AK7: variants seen among roughly 807,000 people sequenced by gnomAD.
AK7 encodes ATP-AMP transphosphorylase 7.
AK7 carries 78 observed loss-of-function variants against 96.6 expected under a neutral mutation model. The ratio of observed to expected loss-of-function variants is 0.81; its 90% CI spans 0.67 to 0.97. The LOEUF (loss-of-function observed/expected upper bound fraction) is 0.97, where lower values mean the gene tolerates loss of function less well. AK7 is among the 50% of genes least tolerant of loss of function. The pLI, the probability that AK7 is intolerant of heterozygous loss-of-function variation, is 0.00. For missense variants in AK7, 855 were observed against 887.9 expected (o/e 0.96, Z 0.47); for synonymous variants, 302 against 317.2 (o/e 0.95, Z 0.51).
intron 10 of AK7, among the ~76,000 whole-genome samples, chr14:96,452,638 T>C (rs1893672535): frequency 6.6e-6 from 1 of 151,950 alleles, no homozygotes; most frequent in South Asian, 2.1e-4. Context: ...ATCAACTTTT[T>C]CTTTTTCTTT....
intron 5 of AK7, among the ~76,000 whole-genome samples, chr14:96,426,262 C>A (rs1892022560): frequency 6.6e-6 from 1 of 152,118 alleles, no homozygotes; most frequent in East Asian, 1.9e-4. Flanking sequence ...AACAATCTAA[C>A]CCTCTTGGCA....
rs1443849404 is a variant in AK7, at chr14:96,398,120, G to A, written c.151G>A (p.Glu51Lys). The change falls in exon 2 of 18, where the codon GAG becomes AAG. Residue 51 changes from glutamate to lysine, a missense_variant. Physicochemically the swap from Glu to Lys is moderately conservative, Grantham distance 56. Transcript: ENST00000267584. ...VVGASLEEIT[E>K]EEEEEDENKS... ...TGGGGCTTCGCTTGAAGAAATTACA[G>A]AGGAAGAGGAAGAGGAAGATGAAAA... is the stretch of plus-strand genomic sequence containing the variant. 1.2e-6 allele frequency: 2 copies of A among 1,612,302 alleles called. No individual in the cohort carries two copies. The highest frequency in any genetic ancestry group is 1.7e-5 in the Admixed American group (1 of 59,964).
At chr14:96,424,100 C>T in intron 5 of AK7, 1 of 669,220 alleles carries the variant, frequency 1.5e-6, no homozygotes, top group East Asian at 3.0e-5. Context: ...GGATCGGGCA[C>T]GGTGCTCCGC....
At chr14:96,468,503 T>A (rs570145984) in intron 12 of AK7, among the ~76,000 whole-genome samples, 1 of 151,922 alleles carries the variant, frequency 6.6e-6, no homozygotes, top group South Asian at 2.1e-4. Context: ...TTCACCGTGT[T>A]AGCCAGGATG....
intron 2 of AK7, among the ~76,000 whole-genome samples, chr14:96,400,099 C>T (rs1323734190): frequency 2.3e-5 from 3 of 132,848 alleles, no homozygotes; most frequent in East Asian, 4.5e-4. Flanking sequence ...AGTGCAGTGG[C>T]GCGATCTCGG....
At chr14:96,464,421 G>A (rs1409449365) in intron 12 of AK7, among the ~76,000 whole-genome samples, 5 of 151,610 alleles carry the variant, frequency 3.3e-5, no homozygotes, top group African/African-American at 9.7e-5. Context: ...GTGGTGGTGC[G>A]TGCCTATAGT....
At chr14:96,425,168 T>G (rs1013654451) in intron 5 of AK7, among the ~76,000 whole-genome samples, 6 of 152,192 alleles carry the variant, frequency 3.9e-5, no homozygotes, top group Non-Finnish European at 7.3e-5. Context: ...AAATAATCAT[T>G]TAACACATTC....
intron 5 of AK7, among the ~76,000 whole-genome samples, chr14:96,425,480 A>ATTTTTTTTTT (rs35861988): frequency 8.4e-6 from 1 of 119,140 alleles, no homozygotes; most frequent in African/African-American, 3.2e-5. Flanking sequence ...AGTCACACTG[A>ATTTTTTTTTT]TTTTTTTTTT....
At chr14:96,470,642 AC>A (rs1471794928) in intron 12 of AK7, among the ~76,000 whole-genome samples, 1 of 152,160 alleles carries the variant, frequency 6.6e-6, no homozygotes, top group Non-Finnish European at 1.5e-5. Context: ...TGGAAAAGAC[AC>A]GGAGAAGGGA....
intron 4 of AK7, among the ~76,000 whole-genome samples, chr14:96,413,705 G>A (rs1025767734): frequency 6.6e-6 from 1 of 152,174 alleles, no homozygotes; most frequent in Non-Finnish European, 1.5e-5. Context: ...TCTTTCCCAC[G>A]AGGATCCTGA....
At chr14:96,440,847 G>A (rs914543354) in intron 6 of AK7, among the ~76,000 whole-genome samples, 5 of 152,278 alleles carry the variant, frequency 3.3e-5, no homozygotes, top group Admixed American at 1.3e-4. Flanking sequence ...ATTAGAGAAA[G>A]AGGAAGAAAT....
chr14:96,458,047 G>A, intron 11 of AK7, 36 bp from the exon 12 acceptor site: 1 of 1,605,204 alleles, frequency 6.2e-7, no homozygotes, highest in South Asian at 1.1e-5. Context: ...ATGGATGTGG[G>A]GCATCATCCA....
At chr14:96,460,541 T>C (rs879349175) in intron 12 of AK7, among the ~76,000 whole-genome samples, 4 of 152,176 alleles carry the variant, frequency 2.6e-5, no homozygotes, top group South Asian at 2.1e-4. Flanking sequence ...ATTCTCCTAC[T>C]GAGAACTGCC....
chr14:96,437,834 G>A lies in AK7; in HGVS notation c.610-1G>A. ...TTTTTTTTCTGTATTTTATCTAATA[G>A]GCCAGAAAATTTGCAGCATACGTAG... On this transcript the variant is annotated splice_acceptor_variant, in intron 5 of 17. Coordinates refer to ENST00000267584, the MANE Select transcript of AK7 (RefSeq NM_152327.5). LOFTEE classifies it high-confidence loss of function. The A allele has an allele frequency of 6.2e-7, 1 of 1,604,834 alleles. No individual in the cohort carries two copies. The highest frequency in any genetic ancestry group is 8.5e-7 in the Non-Finnish European group (1 of 1,175,404).
chr14:96,471,844 A>G (rs903949320), intron 13 of AK7, among the ~76,000 whole-genome samples: 1 of 151,488 alleles, frequency 6.6e-6, no homozygotes, highest in Non-Finnish European at 1.5e-5. Context: ...GTATTGTGGC[A>G]CAAATACTTA....
At chr14:96,401,056 A>C (rs1890381123) in intron 2 of AK7, among the ~76,000 whole-genome samples, 1 of 152,158 alleles carries the variant, frequency 6.6e-6, no homozygotes, top group Non-Finnish European at 1.5e-5. Context: ...TCAGGTGTCC[A>C]GTCAGCCCCT....
chr14:96,410,976 G>A (rs1456117354), intron 4 of AK7, among the ~76,000 whole-genome samples: 1 of 152,064 alleles, frequency 6.6e-6, no homozygotes, highest in Non-Finnish European at 1.5e-5. Context: ...ACTTCAGCCT[G>A]GGTGATAAAG....
intron 1 of AK7, among the ~76,000 whole-genome samples, chr14:96,397,063 C>T (rs1890122420): frequency 6.6e-6 from 1 of 152,204 alleles, no homozygotes; most frequent in South Asian, 2.1e-4. Context: ...CACCACTGCA[C>T]TCCAGCCTGA....
At chr14:96,445,795 A>AT (rs1893200284) in intron 7 of AK7, among the ~76,000 whole-genome samples, 2 of 152,240 alleles carry the variant, frequency 1.3e-5, no homozygotes, top group South Asian at 4.1e-4. Context: ...TGGAGGTAGA[A>AT]TTGACAAGCC....
Sources: gnomAD v4.1 joint callset for allele counts (sites outside exome capture counted in the v4.1 genomes callset) on GRCh38, gnomAD v4.1.1 for gene constraint, MANE v1.5 for transcripts, NCBI Gene and HGNC (gene_info 2026-07-23, HGNC 2026-07-21) for gene names.